The following C3orf20 variants were observed in gnomAD, a reference collection of about 807,000 sequenced individuals.
The protein encoded by C3orf20 is family with sequence similarity 149 member C.
Under a neutral mutation model 88.3 loss-of-function variants are expected in C3orf20, and 76 were observed. That is an observed-to-expected ratio of 0.86 (90% CI 0.72 to 1.04). The LOEUF is 1.04. Among genes scored for constraint, C3orf20 ranks in the 50% least tolerant of loss-of-function variants. C3orf20 has a pLI of 0.00. For synonymous variants in C3orf20, 436 were observed against 437.4 expected, an observed-to-expected ratio of 1.00 and a Z score of 0.04; for missense variants, 1,056 against 1,123.3, an observed-to-expected ratio of 0.94 and a Z score of 0.86.
intron 9 of C3orf20, 137 bp downstream of exon 9, chr3:14,715,546 A>G: frequency 1.7e-6 from 2 of 1,193,450 alleles, no homozygotes; most frequent in Non-Finnish European, 2.2e-6. Flanking sequence ...GAAGGAGCTC[A>G]TAATCTCATT....
At position 14,742,688 on chromosome 3, in the gene C3orf20, A is replaced by G. The variant is rs573053637; in HGVS notation, c.1940+14000A>G. 1.4e-3 allele frequency among the ~76,000 whole-genome samples: 210 copies of G among 152,266 alleles called. 1 individual carries two copies. The highest frequency in any genetic ancestry group is 2.6e-3 in the Non-Finnish European group (176 of 68,016). ...ATTTTCATGCTGCTGATAAAGACAT[A>G]CCCGAAACTGGGAACAAAAAAAGGT... On this transcript the variant is annotated intron_variant, in intron 12 of 16. Coordinates refer to ENST00000253697, the MANE Select transcript of C3orf20 (RefSeq NM_032137.5).
At chr3:14,713,033 G>A (rs1178722697) in intron 7 of C3orf20, among the ~76,000 whole-genome samples, 2 of 152,008 alleles carry the variant, frequency 1.3e-5, no homozygotes, top group African/African-American at 4.8e-5. Flanking sequence ...TCTTATTGAA[G>A]TTCTCTTATA....
intron 12 of C3orf20, among the ~76,000 whole-genome samples, chr3:14,751,957 T>C (rs1331559263): frequency 1.3e-5 from 2 of 152,312 alleles, no homozygotes; most frequent in East Asian, 3.9e-4. Flanking sequence ...CCACTGACTT[T>C]CTTCACAGAA....
intron 1 of C3orf20, among the ~76,000 whole-genome samples, chr3:14,676,907 GCC>G (rs1423705994): frequency 6.6e-6 from 1 of 152,202 alleles, no homozygotes; most frequent in Non-Finnish European, 1.5e-5. Context: ...CTCTAGCAGA[GCC>G]CTTCTTTCCT....
chr3:14,740,493 AG>A (rs2034869837), intron 12 of C3orf20, among the ~76,000 whole-genome samples: 1 of 152,342 alleles, frequency 6.6e-6, no homozygotes, highest in East Asian at 1.9e-4. Context: ...GAAATATTGC[AG>A]GAATTACCAA....
intron 8 of C3orf20, 33 bp from the exon 9 acceptor site, chr3:14,715,256 G>A (rs758690104): frequency 1.7e-5 from 28 of 1,601,288 alleles, no homozygotes; most frequent in Middle Eastern, 2.2e-4. Flanking sequence ...TCAGGGGCCC[G>A]GTGGCAGCTA....
In C3orf20 at chr3:14,772,348, T is replaced by C; in HGVS notation, c.2630+147T>C. 1 of 1,020,260 alleles carries C rather than the reference T, an allele frequency of 9.8e-7. No individual in the cohort carries two copies. The highest frequency in any genetic ancestry group is 1.4e-6 in the Non-Finnish European group (1 of 697,242). 63.2% of individuals were successfully genotyped at this position (1,020,260 alleles called of 1,614,324 possible). A position where few individuals can be genotyped will look rare whatever the true frequency, so the allele number is the denominator to read the frequency against. ...CATCTAGCCCATGTAATCAACACAA[T>C]ATTGGGCGGGCATGCAGGCTGCCCT... On this transcript the variant is annotated intron_variant, in intron 16 of 16. Coordinates refer to ENST00000253697, the MANE Select transcript of C3orf20 (RefSeq NM_032137.5). This position sits in a 1 kb window ranked among gnomAD's most constrained non-coding sequence, Gnocchi z 4.2.
intron 13 of C3orf20, among the ~76,000 whole-genome samples, chr3:14,759,092 G>GAGGAC (rs2035479913): frequency 6.6e-6 from 1 of 152,234 alleles, no homozygotes. Flanking sequence ...GGCGTGGCCT[G>GAGGAC]AGGCAGTTGA....
chr3:14,762,664 TTG>T (rs1389196945), intron 15 of C3orf20, among the ~76,000 whole-genome samples: 1 of 152,156 alleles, frequency 6.6e-6, no homozygotes, highest in Non-Finnish European at 1.5e-5. Flanking sequence ...TTAAAGAGCT[TTG>T]TGAACTGTGA....
intron 12 of C3orf20, among the ~76,000 whole-genome samples, chr3:14,754,757 C>G (rs954160838): frequency 6.6e-6 from 1 of 152,112 alleles, no homozygotes; most frequent in Non-Finnish European, 1.5e-5. Flanking sequence ...CAGGGTCTTG[C>G]TCTGTCTGCC....
At chr3:14,694,443 C>T (rs2032878455) in intron 5 of C3orf20, among the ~76,000 whole-genome samples, 1 of 152,002 alleles carries the variant, frequency 6.6e-6, no homozygotes, top group African/African-American at 2.4e-5. Flanking sequence ...GGAATTTATC[C>T]ATTTCTTCTA....
intron 9 of C3orf20, among the ~76,000 whole-genome samples, chr3:14,716,551 GA>G (rs2124964906): frequency 6.6e-6 from 1 of 152,148 alleles, no homozygotes; most frequent in Admixed American, 6.5e-5. Context: ...CTCTGCTTAG[GA>G]ATATTCACTC....
intron 7 of C3orf20, among the ~76,000 whole-genome samples, chr3:14,708,226 C>G (rs893964426): frequency 2.0e-5 from 3 of 152,168 alleles, no homozygotes; most frequent in Admixed American, 2.0e-4. Context: ...CAATTTCTTT[C>G]CTTTGCATGT....
intron 7 of C3orf20, among the ~76,000 whole-genome samples, chr3:14,709,837 G>C (rs1188546511): frequency 6.6e-6 from 1 of 152,106 alleles, no homozygotes; most frequent in Non-Finnish European, 1.5e-5. Context: ...TTCTTTTTAT[G>C]TATTTGTCTG....
intron 10 of C3orf20, among the ~76,000 whole-genome samples, 193 bp from the exon 11 acceptor site, chr3:14,726,708 G>A (rs139019016): frequency 1.1e-3 from 172 of 152,314 alleles, no homozygotes; most frequent in African/African-American, 3.7e-3. Flanking sequence ...TCCGAGGAGA[G>A]GCCATGAGTC....
intron 12 of C3orf20, among the ~76,000 whole-genome samples, chr3:14,737,635 G>C (rs1218981326): frequency 2.0e-5 from 3 of 152,208 alleles, no homozygotes; most frequent in Non-Finnish European, 4.4e-5. Context: ...TGATCAGGGT[G>C]GTGGTTGCTG....
At chr3:14,713,898 A>G (rs2033841728) in intron 7 of C3orf20, 109 bp from the exon 8 acceptor site, 1 of 1,195,656 alleles carries the variant, frequency 8.4e-7, no homozygotes, top group Non-Finnish European at 1.2e-6. Flanking sequence ...AAGATGGAGA[A>G]TGATGCACCA....
intron 7 of C3orf20, among the ~76,000 whole-genome samples, chr3:14,707,818 C>CTATTT (rs1559410867): frequency 2.6e-5 from 1 of 39,164 alleles, no homozygotes. Context: ...CTGTGTTTTC[C>CTATTT]TCTTTTTTTT....
At chr3:14,690,560 A>G (rs2032677306) in intron 5 of C3orf20, among the ~76,000 whole-genome samples, 1 of 152,206 alleles carries the variant, frequency 6.6e-6, no homozygotes, top group South Asian at 2.1e-4. Flanking sequence ...AAATTGGGCA[A>G]GTTTTTATGG....
Sources: gnomAD v4.1 joint callset for allele counts (sites outside exome capture counted in the v4.1 genomes callset) on GRCh38, gnomAD v4.1.1 for gene constraint, Gnocchi (gnomAD v3.1) non-coding constraint, MANE v1.5 for transcripts, NCBI Gene and HGNC (gene_info 2026-07-23, HGNC 2026-07-21) for gene names.